The following BCAP31 variants were observed in gnomAD, a reference collection of about 807,000 sequenced individuals.
The protein encoded by BCAP31 is B-cell receptor-associated protein 31.
For synonymous variants in BCAP31, 75 were observed against 80.9 expected (o/e 0.93, Z 0.39); for missense variants, 124 against 193.0 (o/e 0.64, Z 2.12).
intron 4 of BCAP31, among the ~76,000 whole-genome samples, chrX:153,707,091 C>T (rs1403813989): frequency 5.4e-5 from 6 of 111,161 alleles, no homozygotes; most frequent in African/African-American, 9.8e-5. Context: ...TTCTCCAGGC[C>T]GGAATGTCCT....
At chrX:153,715,415 T>G in intron 4 of BCAP31, 127 bp downstream of exon 4, 1 of 1,003,507 alleles carries the variant, frequency 1.0e-6, no homozygotes, top group Non-Finnish European at 1.4e-6. Context: ...GACAGGGCTT[T>G]GGGATCCAGG....
At chrX:153,718,607 G>A (rs2091645043) in intron 3 of BCAP31, among the ~76,000 whole-genome samples, 2 of 112,301 alleles carry the variant, frequency 1.8e-5, no homozygotes, top group Admixed American at 9.4e-5. Flanking sequence ...TGGGAAATGG[G>A]ATTATGGGGA....
At chrX:153,720,816 T>C (rs1370444172) in intron 3 of BCAP31, 56 bp downstream of exon 3, 5 of 1,127,235 alleles carry the variant, frequency 4.4e-6, no homozygotes, top group Non-Finnish European at 6.1e-6. Context: ...CAAAGGGTTT[T>C]GCAGCAGAGA....
chrX:153,721,378 G>A (rs1240118501), intron 2 of BCAP31, among the ~76,000 whole-genome samples: 1 of 103,645 alleles, frequency 9.6e-6, no homozygotes, highest in East Asian at 3.0e-4. Flanking sequence ...GGAAGTTGCA[G>A]TGAGCCGAGA....
At chrX:153,708,995 G>C (rs2091572459) in intron 4 of BCAP31, among the ~76,000 whole-genome samples, 1 of 112,226 alleles carries the variant, frequency 8.9e-6, no homozygotes, top group South Asian at 3.7e-4. Context: ...CCCATCCTGA[G>C]GACAGTGCAC....
intron 3 of BCAP31, among the ~76,000 whole-genome samples, chrX:153,719,648 G>A (rs1040414546): frequency 1.8e-5 from 2 of 111,426 alleles, no homozygotes; most frequent in African/African-American, 6.5e-5. Context: ...CTCGGTGGGA[G>A]GAGTGTTCCA....
At chrX:153,702,148 G>A in intron 6 of BCAP31, 41 bp from the exon 7 acceptor site, 2 of 1,133,411 alleles carry the variant, frequency 1.8e-6, no homozygotes, top group Non-Finnish European at 2.4e-6. Context: ...GAAACGAAAA[G>A]ACAGGAATTA....
intron 4 of BCAP31, among the ~76,000 whole-genome samples, chrX:153,704,521 G>A (rs1447975815): frequency 8.9e-6 from 1 of 112,321 alleles, no homozygotes; most frequent in East Asian, 2.8e-4. Context: ...ATGCCAGGCC[G>A]CATCCTCACA....
chrX:153,720,909 A>G lies in BCAP31; in HGVS notation c.156T>C (p.Phe52=), dbSNP rs2091660363. 2.5e-6 allele frequency: 3 copies of G among 1,211,823 alleles called. No individual in the cohort carries two copies. Among genetic ancestry groups the G allele is most frequent in the Non-Finnish European group, 3.4e-6 (3 of 895,480 alleles). The change falls in exon 3 of 8, where the codon TTT becomes TTC. Residue 52 remains phenylalanine (F), a synonymous_variant. Transcript: ENST00000345046. The part of the protein sequence containing the change: ...ELLVSYGNTF[F]VVLIVILVLL... ...GCACAAGGATGACAATGAGAACCAC[A>G]AAGAAGGTGTTGCCATAGGACACTA...
At chrX:153,702,351 T>C (rs2091524187) in intron 6 of BCAP31, 2 of 322,299 alleles carry the variant, frequency 6.2e-6, no homozygotes, top group Non-Finnish European at 5.4e-6. Context: ...GTCCCTTTAA[T>C]GGAGAGGAAC....
In BCAP31 at chrX:153,703,184, C is replaced by T. The variant is rs782602253; in HGVS notation, c.478-126G>A. On this transcript the variant is annotated intron_variant, in intron 5 of 7. Transcript: ENST00000345046. ...CCACACGCCCCTTCGGAAATGTCAA[C>T]GCGGAACCGAGCCACCACTTGCTCC... 4,710 of 978,720 alleles carry T rather than the reference C, an allele frequency of 4.8e-3. 4 individuals are homozygous for T. Among genetic ancestry groups the T allele is most frequent in the Non-Finnish European group, 6.0e-3 (4,279 of 716,872 alleles). The allele number at this position is 978,720 out of a possible 1,213,427, so 80.7% of individuals were successfully genotyped here. A position where few individuals can be genotyped will look rare whatever the true frequency, so the allele number is the denominator to read the frequency against.
chrX:153,718,359 G>A (rs1237983578), intron 3 of BCAP31, among the ~76,000 whole-genome samples: 2 of 108,953 alleles, frequency 1.8e-5, no homozygotes, highest in Non-Finnish European at 3.8e-5. Context: ...CGTGCAGCAG[G>A]TAGAAAAAGC....
intron 4 of BCAP31, among the ~76,000 whole-genome samples, chrX:153,715,127 TG>T (rs2091618112): frequency 1.8e-5 from 2 of 112,034 alleles, no homozygotes; most frequent in Non-Finnish European, 3.8e-5. Flanking sequence ...AGCCTCTTCG[TG>T]CCACTTTTAC....
chrX:153,721,817 G>C (rs1026164889), intron 2 of BCAP31, among the ~76,000 whole-genome samples: 2 of 74,022 alleles, frequency 2.7e-5, no homozygotes, highest in Non-Finnish European at 5.0e-5. Flanking sequence ...AGAATTGCTT[G>C]AACCCGGGAG....
At chrX:153,723,960 G>T (rs1235804381) in intron 1 of BCAP31, 6 of 446,605 alleles carry the variant, frequency 1.3e-5, no homozygotes, top group South Asian at 1.3e-4. Context: ...AGCACCTCAA[G>T]GCCCCATACG....
rs781786906 is a variant in BCAP31, at chrX:153,715,679, G to A, written c.204C>T (p.Arg68=). 10 of 1,209,526 alleles carry A rather than the reference G, an allele frequency of 8.3e-6. No homozygotes were observed. The highest frequency in any genetic ancestry group is 5.3e-5 in the African/African-American group (3 of 57,124). The change falls in exon 4 of 8, where the codon CGC becomes CGT. Residue 68 remains arginine (R), a synonymous_variant. Transcript: ENST00000345046. ...ILVLLVIDAV[R]EIRKYDDVTE... The stretch of plus-strand genomic sequence containing the variant: ...TCACATCATCATACTTCCGAATTTC[G>A]CGCACGGCATCTGTGGTGGAGCAGA...
chrX:153,708,967 C>T (rs1331107880), intron 4 of BCAP31, among the ~76,000 whole-genome samples: 1 of 112,050 alleles, frequency 8.9e-6, no homozygotes, highest in Non-Finnish European at 1.9e-5. Context: ...CTCCAGCCCA[C>T]GACCCAGATG....
chrX:153,706,946 C>T (rs1379064046), intron 4 of BCAP31, among the ~76,000 whole-genome samples: 15 of 112,183 alleles, frequency 1.3e-4, no homozygotes, highest in Non-Finnish European at 1.5e-4. Context: ...ACCATGTCAG[C>T]CCTCTGCTTA....
Position 153,720,925 on chromosome X carries a change from T to C in BCAP31, c.140A>G (p.Tyr47Cys). The change falls in exon 3 of 8, where the codon TAT (tyrosine) becomes TGT (cysteine). Residue 47 changes from tyrosine to cysteine, a missense_variant. Transcript: ENST00000345046. ...GAGAACCACAAAGAAGGTGTTGCCA[T>C]AGGACACTAACAACTCCACCAGCCG... is the stretch of plus-strand genomic sequence containing the variant. ...KSRLVELLVS[Y>C]GNTFFVVLIV... 1 of 1,211,399 alleles carries C rather than the reference T, an allele frequency of 8.3e-7. No homozygotes were observed. The highest frequency in any genetic ancestry group is 2.2e-5 in the Admixed American group (1 of 46,009).
Sources: allele counts gnomAD v4.1 joint callset (sites outside exome capture counted in the v4.1 genomes callset), GRCh38; gene constraint gnomAD v4.1.1; transcripts MANE v1.5; gene names NCBI Gene and HGNC (gene_info 2026-07-23, HGNC 2026-07-21).